The following COP1 variants were observed in gnomAD, a reference collection of about 807,000 sequenced individuals.
The protein encoded by COP1 is COP1 E3 ubiquitin ligase.
In COP1, 24 loss-of-function variants were observed where a neutral mutation model predicts 101.3. The ratio of observed to expected loss-of-function variants is 0.24; its 90% CI spans 0.17 to 0.33. The LOEUF (loss-of-function observed/expected upper bound fraction) is 0.33. Ranked by LOEUF, COP1 falls within the 10% of genes least tolerant of loss-of-function variation. COP1 has a pLI of 1.00. For missense variants in COP1, 663 were observed against 906.2 expected, an observed-to-expected ratio of 0.73 and a Z score of 3.45; for synonymous variants, 347 against 341.9, an observed-to-expected ratio of 1.01 and a Z score of -0.17.
intron 2 of COP1, among the ~76,000 whole-genome samples, chr1:176,184,125 G>A (rs1428146813): frequency 3.9e-5 from 6 of 151,920 alleles, no homozygotes; most frequent in Non-Finnish European, 8.8e-5. Flanking sequence ...TATAAATTCG[G>A]TATTATGTAA....
At chr1:175,992,102 G>C (rs1214145106) in intron 15 of COP1, among the ~76,000 whole-genome samples, 1 of 152,178 alleles carries the variant, frequency 6.6e-6, no homozygotes, top group Non-Finnish European at 1.5e-5. Flanking sequence ...GAGTATTATA[G>C]TTGGTATATA....
chr1:175,990,962 A>G (rs1197509102), intron 15 of COP1, among the ~76,000 whole-genome samples: 3 of 151,832 alleles, frequency 2.0e-5, no homozygotes, highest in African/African-American at 7.3e-5. Context: ...AACATTCAAC[A>G]TACTTACATT....
At chr1:176,041,826 G>C (rs1277243667) in intron 14 of COP1, among the ~76,000 whole-genome samples, 1 of 151,908 alleles carries the variant, frequency 6.6e-6, no homozygotes, top group African/African-American at 2.4e-5. Context: ...AAAATTAACT[G>C]GGTGAAGCCA....
intron 11 of COP1, among the ~76,000 whole-genome samples, chr1:176,064,507 C>T (rs1379197386): frequency 6.6e-6 from 1 of 152,066 alleles, no homozygotes. Context: ...TGTGAATAGC[C>T]CTATCAACAT....
At chr1:176,165,686 AAAATAAAT>A (rs146266303) in intron 3 of COP1, among the ~76,000 whole-genome samples, 1 of 151,992 alleles carries the variant, frequency 6.6e-6, no homozygotes, top group Non-Finnish European at 1.5e-5. Flanking sequence ...ACTCCATCTC[AAAATAAAT>A]AAATAAATAA....
intron 14 of COP1, among the ~76,000 whole-genome samples, chr1:176,036,296 C>A (rs1156556644): frequency 6.6e-6 from 1 of 151,482 alleles, no homozygotes; most frequent in African/African-American, 2.4e-5. Context: ...GAAAAATGGG[C>A]AGAAATCTAT....
Position 176,074,791 on chromosome 1 carries a change from GA to G in COP1, c.1277+6360del, listed in dbSNP as rs79480972. On this transcript the variant is annotated intron_variant, in intron 11 of 19. Coordinates refer to ENST00000367669, the MANE Select transcript of COP1 (RefSeq NM_022457.7). ...TCAAGCTAAAATGGCTTTCAGGAATGAAAAAAAAAAAAAAAGATTATTACTC... is the reference window on the plus strand; with the variant it reads ...TCAAGCTAAAATGGCTTTCAGGAATGAAAAAAAAAAAAAAGATTATTACTC... Among the ~76,000 whole-genome samples the G allele has an allele frequency of 7.0e-3, 751 of 107,164 alleles. 3 individuals carry two copies. Among genetic ancestry groups the G allele is most frequent in the African/African-American group, 0.013 (372 of 28,186 alleles). 70.3% of individuals were successfully genotyped at this position (107,164 alleles called of 152,430 possible). A position where few individuals can be genotyped will look rare whatever the true frequency, so the allele number is the denominator to read the frequency against.
chr1:176,136,624 A>C, intron 6 of COP1, 77 bp from the exon 7 acceptor site: 1 of 916,624 alleles, frequency 1.1e-6, no homozygotes, highest in Non-Finnish European at 1.7e-6. Flanking sequence ...CATGATCATA[A>C]AATAAATTTA....
intron 15 of COP1, among the ~76,000 whole-genome samples, chr1:176,017,745 G>A (rs1404491054): frequency 6.6e-6 from 1 of 152,074 alleles, no homozygotes; most frequent in Non-Finnish European, 1.5e-5. Flanking sequence ...GGCTGGGCTC[G>A]AACTCCTAAC....
chr1:176,011,257 A>G (rs1236809612), intron 15 of COP1, among the ~76,000 whole-genome samples: 1 of 152,220 alleles, frequency 6.6e-6, no homozygotes, highest in African/African-American at 2.4e-5. Context: ...TTACTTTCTC[A>G]GTAGAACCAG....
chr1:176,020,342 C>T (rs1666548088), intron 15 of COP1, among the ~76,000 whole-genome samples: 1 of 150,120 alleles, frequency 6.7e-6, no homozygotes, highest in African/African-American at 2.4e-5. Context: ...CCTTCATACT[C>T]ACTAACAGGG....
At chr1:176,080,399 G>A (rs1678901220) in intron 11 of COP1, among the ~76,000 whole-genome samples, 1 of 151,822 alleles carries the variant, frequency 6.6e-6, no homozygotes, top group East Asian at 1.9e-4. Context: ...TCAAAAAGTA[G>A]AAGAATAAAA....
rs151228289 is a variant in COP1 at position 175,979,697 on chromosome 1, T to A, written c.2133+7246A>T. Among the ~76,000 whole-genome samples the A allele has an allele frequency of 2.6e-3, 398 of 152,192 alleles. 3 individuals carry two copies. Among genetic ancestry groups the A allele is most frequent in the African/African-American group, 9.1e-3 (380 of 41,532 alleles). ...TTATATCCCAAGGGGCAAAATGGTA[T>A]TTTTGAAGTAATTATATGTACATAT... On this transcript the variant is annotated intron_variant, in intron 18 of 19. Coordinates refer to ENST00000367669, the MANE Select transcript of COP1 (RefSeq NM_022457.7).
chr1:176,142,170 T>G (rs1690798389), intron 6 of COP1, among the ~76,000 whole-genome samples: 1 of 152,090 alleles, frequency 6.6e-6, no homozygotes, highest in Admixed American at 6.6e-5. Flanking sequence ...AGTAGGCTGA[T>G]AAGTTACAAA....
chr1:176,036,778 T>C (rs142489034), intron 14 of COP1, among the ~76,000 whole-genome samples: 226 of 152,354 alleles, frequency 1.5e-3, no homozygotes, highest in African/African-American at 5.2e-3. Flanking sequence ...TAGGCCAATG[T>C]AAATATTCTG....
chr1:175,960,292 T>C (rs1297274968), intron 18 of COP1, among the ~76,000 whole-genome samples: 8 of 152,256 alleles, frequency 5.3e-5, no homozygotes, highest in Non-Finnish European at 1.2e-4. Context: ...CTTTTCATTA[T>C]GGGCAAGTTA....
chr1:176,076,082 T>TAAC lies in COP1; in HGVS notation c.1277+5067_1277+5069dup, dbSNP rs374304505. On this transcript the variant is annotated intron_variant, in intron 11 of 19. Coordinates refer to ENST00000367669, the MANE Select transcript of COP1 (RefSeq NM_022457.7). ...TAGACAGATCATGGAGGCAGAACAC[T>TAAC]AACGAAATTCTGGACTTAAACTCTA... is the stretch of plus-strand genomic sequence containing the variant. Among the ~76,000 whole-genome samples the TAAC allele has an allele frequency of 2.6e-3, 382 of 147,580 alleles. 3 individuals are homozygous for TAAC. The highest frequency in any genetic ancestry group is 9.2e-3 in the African/African-American group (366 of 39,858).
intron 1 of COP1, among the ~76,000 whole-genome samples, chr1:176,193,821 TAC>T (rs1289596763): frequency 3.3e-5 from 5 of 152,100 alleles, no homozygotes; most frequent in African/African-American, 1.2e-4. Context: ...GCTTAACGGG[TAC>T]AGAGTTTCTT....
At chr1:176,153,713 T>C (rs548143189) in intron 5 of COP1, among the ~76,000 whole-genome samples, 11 of 152,342 alleles carry the variant, frequency 7.2e-5, no homozygotes, top group African/African-American at 2.6e-4. Context: ...TTAATGATGT[T>C]GGCTGTGGGT....
Sources: gnomAD v4.1 joint callset for allele counts (sites outside exome capture counted in the v4.1 genomes callset) on GRCh38, gnomAD v4.1.1 for gene constraint, MANE v1.5 for transcripts, NCBI Gene and HGNC (gene_info 2026-07-23, HGNC 2026-07-21) for gene names.